GRAMD1B: variants seen among roughly 807,000 people sequenced by gnomAD.
GRAMD1B encodes GRAM domain containing 1B.
A neutral mutation model predicts 99.7 loss-of-function variants in GRAMD1B; 37 were observed. The observed-to-expected ratio is 0.37, with a 90% confidence interval of 0.29 to 0.49. The LOEUF is 0.49. Ranked by LOEUF, GRAMD1B falls within the 20% of genes least tolerant of loss-of-function variation. The pLI, the probability that GRAMD1B is intolerant of heterozygous loss-of-function variation, is 0.98. For synonymous variants in GRAMD1B, 427 were observed against 387.6 expected (o/e 1.10, Z -1.19); for missense variants, 888 against 1,009.2 (o/e 0.88, Z 1.63).
At chr11:123,600,377 A>G (rs1951801530) in intron 7 of GRAMD1B, 91 bp from the exon 8 acceptor site, 11 of 773,150 alleles carry the variant, frequency 1.4e-5, no homozygotes, top group Middle Eastern at 3.0e-4. Context: ...GGATGAAGTC[A>G]GTATCTTTTC....
chr11:123,461,131 T>G (rs1950393995), intron 1 of GRAMD1B, among the ~76,000 whole-genome samples: 1 of 152,212 alleles, frequency 6.6e-6, no homozygotes, highest in Non-Finnish European at 1.5e-5. Flanking sequence ...GAGTCTTAAT[T>G]GAGTTTGGTC....
intron 2 of GRAMD1B, among the ~76,000 whole-genome samples, chr11:123,548,283 T>C (rs1454214647): frequency 1.6e-5 from 2 of 128,934 alleles, no homozygotes; most frequent in Non-Finnish European, 3.3e-5. Context: ...AGAGTCAGGC[T>C]GTGCCAAAAT....
In GRAMD1B at chr11:123,450,014, C is replaced by T. The variant is rs115450242; in HGVS notation, c.374+18848C>T. ...TTGGGATTACAGGCATGAGTCACCA[C>T]ACCTGAACCAGAGACTGCCGTTCTA... On this transcript the variant is annotated intron_variant, in intron 1 of 19. Transcript: ENST00000635736. 4.8e-3 allele frequency among the ~76,000 whole-genome samples: 733 copies of T among 152,236 alleles called. 4 individuals carry two copies. The highest frequency in any genetic ancestry group is 0.017 in the African/African-American group (687 of 41,508).
intron 2 of GRAMD1B, among the ~76,000 whole-genome samples, chr11:123,547,718 T>G (rs1565356612): frequency 6.6e-6 from 1 of 152,204 alleles, no homozygotes; most frequent in Non-Finnish European, 1.5e-5. Context: ...GGCAGGGTTT[T>G]TAGACCCACA....
In GRAMD1B at chr11:123,610,381, T is replaced by TA; in HGVS notation, c.1919+44dup. Reference sequence around the variant, plus strand: ...CCCAGTGCGGTCAGACGGGGGTCCTTACCTTAGAGAACATTCATTTGCTCC... The same window carrying TA: ...CCCAGTGCGGTCAGACGGGGGTCCTTAACCTTAGAGAACATTCATTTGCTCC... On this transcript the variant is annotated intron_variant, in intron 14 of 19. Transcript: ENST00000635736. The surrounding 1 kb of genome is among the most constrained non-coding windows in gnomAD (Gnocchi z 4.1). 1 of 1,599,370 alleles carries TA rather than the reference T, an allele frequency of 6.3e-7. No homozygotes were observed. Among genetic ancestry groups the TA allele is most frequent in the South Asian group, 1.1e-5 (1 of 90,716 alleles).
rs539858744 is a variant in GRAMD1B at position 123,483,522 on chromosome 11, G to A, written c.452+2629G>A. ...CCACCTTAGCCTCCTGAATATCCAG[G>A]ACTATTGGCGCCTGCCACCATACCT... On this transcript the variant is annotated intron_variant, in intron 2 of 19. Transcript: ENST00000635736. 1.6e-4 allele frequency among the ~76,000 whole-genome samples: 25 copies of A among 151,694 alleles called. 1 individual carries two copies. The highest frequency in any genetic ancestry group is 1.0e-3 in the South Asian group (5 of 4,806).
Position 123,613,463 on chromosome 11 carries a change from C to A in GRAMD1B, c.2032C>A (p.Leu678Met). The A allele has an allele frequency of 6.2e-7, 1 of 1,609,056 alleles. No individual in the cohort carries two copies. The highest frequency in any genetic ancestry group is 8.5e-7 in the Non-Finnish European group (1 of 1,177,528). ...CCTTTTGTCTCTGATAGAGAGCGAG[C>A]TGGCCAAAACGGAGAGCACTTATTT... ...EDYFRHLESE[L>M]AKTESTYLAE... Residue 678 changes from leucine to methionine, a missense_variant, in exon 16 of 20, where the codon CTG (leucine) becomes ATG (methionine). By Grantham distance (15) the Leu-to-Met change is conservative. This residue lies in a region of GRAMD1B where 232 missense variants were observed against 261.7 expected (regional missense o/e 0.89). Transcript: ENST00000635736.
upstream of GRAMD1B, among the ~76,000 whole-genome samples, chr11:123,425,980 G>T (rs1163364022): frequency 6.6e-6 from 1 of 152,098 alleles, no homozygotes; most frequent in Non-Finnish European, 1.5e-5. Context: ...TCACTTCCTT[G>T]CTTCAGCACC....
At chr11:123,422,990 T>C (rs898460943) in intron 1 of GRAMD1B, among the ~76,000 whole-genome samples, 1 of 152,182 alleles carries the variant, frequency 6.6e-6, no homozygotes, top group South Asian at 2.1e-4. Context: ...TCATCTTTGA[T>C]AGGCATTCAA....
chr11:123,477,442 G>A (rs1268690006), intron 1 of GRAMD1B, among the ~76,000 whole-genome samples: 1 of 151,508 alleles, frequency 6.6e-6, no homozygotes, highest in Non-Finnish European at 1.5e-5. Context: ...TGAGCGAATG[G>A]CAAACAGTTG....
chr11:123,374,284 C>A (rs1946623209), intron 1 of GRAMD1B, among the ~76,000 whole-genome samples: 1 of 152,158 alleles, frequency 6.6e-6, no homozygotes. Context: ...ATGAGGTAGG[C>A]CATTTTGCTG....
At chr11:123,515,528 G>C (rs539061451) in intron 2 of GRAMD1B, among the ~76,000 whole-genome samples, 2 of 152,306 alleles carry the variant, frequency 1.3e-5, no homozygotes, top group Admixed American at 1.3e-4. Flanking sequence ...TTGAGAGGCA[G>C]AGGCTCTCCT....
chr11:123,479,689 T>C (rs920734971), intron 1 of GRAMD1B, among the ~76,000 whole-genome samples: 1 of 152,148 alleles, frequency 6.6e-6, no homozygotes, highest in Non-Finnish European at 1.5e-5. Flanking sequence ...TTTGTGGGCC[T>C]ATGGTGCCCA....
chr11:123,612,717 C>A, intron 14 of GRAMD1B, 44 bp from the exon 15 acceptor site: 1 of 1,075,624 alleles, frequency 9.3e-7, no homozygotes, highest in Non-Finnish European at 1.4e-6. Context: ...CAGAGGCAGG[C>A]CCACCCAGGA....
intron 3 of GRAMD1B, among the ~76,000 whole-genome samples, chr11:123,583,096 G>A (rs1235383093): frequency 6.6e-6 from 1 of 152,120 alleles, no homozygotes; most frequent in Non-Finnish European, 1.5e-5. Flanking sequence ...GTATGTGCCT[G>A]TGTGTATATG....
intron 7 of GRAMD1B, chr11:123,598,799 C>G (rs1178829581): frequency 9.7e-7 from 1 of 1,031,948 alleles, no homozygotes; most frequent in Non-Finnish European, 1.5e-6. Flanking sequence ...CCCATTTCTT[C>G]TCAAATTCAG....
At chr11:123,425,887 G>C (rs532969159), upstream of GRAMD1B, among the ~76,000 whole-genome samples, 2 of 152,178 alleles carry the variant, frequency 1.3e-5, no homozygotes, top group Non-Finnish European at 2.9e-5. Context: ...GGGAGGACTC[G>C]TGAAAGAAAC....
Position 123,572,754 on chromosome 11 carries a change from A to G in GRAMD1B, c.453-4613A>G, listed in dbSNP as rs543722170. On this transcript the variant is annotated intron_variant, in intron 2 of 19. Transcript: ENST00000635736. ...CAAAAGGATCTGCAGACAGACCCCA[A>G]TGGCTGAGGCAGAGGCGCAGGTAGG... Among the ~76,000 whole-genome samples, 5 of 152,302 alleles carry G rather than the reference A, an allele frequency of 3.3e-5. No individual in the cohort carries two copies. The South Asian group carries it at 6.2e-4, about 19-fold the overall frequency.
intron 1 of GRAMD1B, among the ~76,000 whole-genome samples, chr11:123,386,102 G>T (rs894852433): frequency 1.3e-5 from 2 of 152,174 alleles, no homozygotes; most frequent in Non-Finnish European, 2.9e-5. Context: ...CCTTGAGCAG[G>T]TTATTAAACC....
Sources: allele counts gnomAD v4.1 joint callset (sites outside exome capture counted in the v4.1 genomes callset), GRCh38; gene constraint gnomAD v4.1.1; regional missense constraint gnomAD v4.1.1; non-coding constraint Gnocchi (gnomAD v3.1); transcripts MANE v1.5; gene names NCBI Gene and HGNC (gene_info 2026-07-23, HGNC 2026-07-21).